Variants in ARHGEF10L observed in about 807,000 individuals in gnomAD.
The protein encoded by ARHGEF10L is Rho guanine nucleotide exchange factor 10 like, also known as rho guanine nucleotide exchange factor 10-like protein.
Under a neutral mutation model 141.2 loss-of-function variants are expected in ARHGEF10L, and 69 were observed. That is an observed-to-expected ratio of 0.49 (90% confidence interval 0.40 to 0.60). The LOEUF is 0.60. ARHGEF10L is among the 20% of genes least tolerant of loss of function. The probability of loss-of-function intolerance (pLI) is 0.00; values close to 1 mark genes in which losing one functional copy is unlikely to be tolerated. For synonymous variants in ARHGEF10L, 711 were observed against 718.5 expected (o/e 0.99, Z 0.17); for missense variants, 1,482 against 1,734.3 (o/e 0.85, Z 2.58).
At chr1:17,602,058 GTGAGGGGC>G in intron 4 of ARHGEF10L, 61 bp from the exon 5 acceptor site, 1 of 1,393,344 alleles carries the variant, frequency 7.2e-7, no homozygotes, top group Non-Finnish European at 9.6e-7. Context: ...CGCTGACCAG[GTGAGGGGC>G]TGCCAGAGGC....
upstream of ARHGEF10L, among the ~76,000 whole-genome samples, chr1:17,537,463 C>A (rs1485130309): frequency 6.6e-6 from 1 of 152,182 alleles, no homozygotes; most frequent in Admixed American, 6.6e-5. Context: ...GCCCTCAAGG[C>A]TGTATCATAG....
intron 7 of ARHGEF10L, among the ~76,000 whole-genome samples, chr1:17,608,807 CAG>C (rs1570872398): frequency 1.3e-5 from 2 of 152,138 alleles, no homozygotes; most frequent in Admixed American, 6.6e-5. Context: ...TCTTTTGAGG[CAG>C]AGTCTCACTC....
At chr1:17,523,380 C>T in the ARHGEF10L span, among the ~76,000 whole-genome samples, 12 of 152,084 alleles carry the variant, frequency 7.9e-5, no homozygotes, top group East Asian at 5.8e-4. Context: ...TGAGCCACCG[C>T]GCCCGGCCCA....
At chr1:17,648,074 C>G (rs1043874377) in intron 21 of ARHGEF10L, among the ~76,000 whole-genome samples, 1 of 152,158 alleles carries the variant, frequency 6.6e-6, no homozygotes, top group African/African-American at 2.4e-5. Flanking sequence ...GTGTGAGTGC[C>G]GCAATGGCGA....
chr1:17,657,113 A>G (rs1168739581), intron 25 of ARHGEF10L, among the ~76,000 whole-genome samples: 1 of 152,156 alleles, frequency 6.6e-6, no homozygotes, highest in Non-Finnish European at 1.5e-5. Flanking sequence ...CTGGAGGGTT[A>G]GACAACTCCA....
intron 2 of ARHGEF10L, among the ~76,000 whole-genome samples, chr1:17,584,073 C>T (rs2078817781): frequency 6.6e-6 from 1 of 151,972 alleles, no homozygotes; most frequent in Non-Finnish European, 1.5e-5. Flanking sequence ...GAGACAGAGT[C>T]TCGCTTTGTC....
chr1:17,626,625 T>C (rs1197190074), intron 14 of ARHGEF10L, among the ~76,000 whole-genome samples: 1 of 152,194 alleles, frequency 6.6e-6, no homozygotes, highest in Non-Finnish European at 1.5e-5. Context: ...AATTGATCAG[T>C]GATTGATCTA....
chr1:17,684,897 A>G (rs1404002518), intron 26 of ARHGEF10L, among the ~76,000 whole-genome samples: 1 of 152,074 alleles, frequency 6.6e-6, no homozygotes, highest in Non-Finnish European at 1.5e-5. Flanking sequence ...TGCTACTCGC[A>G]GCTCAGCCAT....
intron 1 of ARHGEF10L, among the ~76,000 whole-genome samples, chr1:17,564,383 C>T (rs1176108570): frequency 6.6e-6 from 1 of 152,156 alleles, no homozygotes; most frequent in East Asian, 1.9e-4. Context: ...TCAGGGGGGC[C>T]ACTGGTCTTG....
intron 19 of ARHGEF10L, among the ~76,000 whole-genome samples, chr1:17,638,308 T>G (rs2061134476): frequency 6.6e-6 from 1 of 152,058 alleles, no homozygotes; most frequent in African/African-American, 2.4e-5. Context: ...CTCTACCCAG[T>G]GTGGAGGGGA....
chr1:17,611,638 C>T (rs1570900479), intron 7 of ARHGEF10L, among the ~76,000 whole-genome samples: 1 of 152,140 alleles, frequency 6.6e-6, no homozygotes, highest in East Asian at 1.9e-4. Flanking sequence ...ATAATAATGG[C>T]TTCCATTTTT....
At position 17,607,748 on chromosome 1, in the gene ARHGEF10L, T is replaced by C; in HGVS notation, c.434-54T>C. On this transcript the variant is annotated intron_variant, in intron 6 of 28. Transcript: ENST00000361221. This position sits in a 1 kb window ranked among gnomAD's most constrained non-coding sequence, Gnocchi z 4.5. ...CAGAAATTGGGTCTGAGGCTGGAAG[T>C]CTGGTAGGCTTGGCCTCAGGGCCTG... The C allele has an allele frequency of 6.9e-7, 1 of 1,439,030 alleles. No individual in the cohort carries two copies. The highest frequency in any genetic ancestry group is 9.1e-7 in the Non-Finnish European group (1 of 1,096,368). The allele number at this position is 1,439,030 out of a possible 1,614,324, so 89.1% of individuals were successfully genotyped here.
intron 1 of ARHGEF10L, among the ~76,000 whole-genome samples, chr1:17,553,072 G>C (rs936555790): frequency 6.6e-6 from 1 of 152,194 alleles, no homozygotes; most frequent in African/African-American, 2.4e-5. Flanking sequence ...TCAGCCCCTG[G>C]CTCATCATCT....
At position 17,644,832 on chromosome 1, in the gene ARHGEF10L, T is replaced by C. The variant is rs2061501591; in HGVS notation, c.2273-3722T>C. On this transcript the variant is annotated intron_variant, in intron 21 of 28. Transcript: ENST00000361221. The surrounding 1 kb of genome is among the most constrained non-coding windows in gnomAD (Gnocchi z 4.5). ...AGGACAGTGACCACCATGGCTGCTATTTCCGGAGTGCCTGGTGTCTGCTGG... is the reference window on the plus strand; with the variant it reads ...AGGACAGTGACCACCATGGCTGCTACTTCCGGAGTGCCTGGTGTCTGCTGG... 6.6e-6 allele frequency among the ~76,000 whole-genome samples: 1 copy of C among 152,150 alleles called. No individual in the cohort carries two copies. Among genetic ancestry groups the C allele is most frequent in the African/African-American group, 2.4e-5 (1 of 41,424 alleles).
At chr1:17,556,396 G>A (rs552497185) in intron 1 of ARHGEF10L, among the ~76,000 whole-genome samples, 1 of 152,230 alleles carries the variant, frequency 6.6e-6, no homozygotes, top group South Asian at 2.1e-4. Context: ...GTCCTCTCTG[G>A]GCCTCAGTTT....
chr1:17,540,152 G>T (rs1023646840), intron 1 of ARHGEF10L, among the ~76,000 whole-genome samples: 1 of 152,038 alleles, frequency 6.6e-6, no homozygotes, highest in Non-Finnish European at 1.5e-5. Context: ...CTCTGTGTGG[G>T]TCTCTCCTTG....
chr1:17,677,360 A>C (rs149282315), intron 26 of ARHGEF10L, among the ~76,000 whole-genome samples: 5 of 152,078 alleles, frequency 3.3e-5, no homozygotes, highest in Admixed American at 6.5e-5. Flanking sequence ...TCTCTCTTTC[A>C]GCACTCACTC....
Position 17,634,917 on chromosome 1 carries a change from G to C in ARHGEF10L, c.1828G>C (p.Val610Leu). ...GAACACGGCGCTGCCCCAGGTGCAG[G>C]TGGTGGAGGTGGGCCAGGACGGTGG... ...KWNTALPQVQVVEVGQDGGTY... is the reference protein window; with the variant it reads ...KWNTALPQVQLVEVGQDGGTY... The change falls in exon 18 of 29, where the codon GTG (valine) becomes CTG (leucine). Residue 610 changes from valine to leucine, a missense_variant. Coordinates refer to ENST00000361221, the MANE Select transcript of ARHGEF10L (RefSeq NM_018125.4). The C allele has an allele frequency of 6.2e-7, 1 of 1,614,138 alleles. No homozygotes were observed. The highest frequency in any genetic ancestry group is 8.5e-7 in the Non-Finnish European group (1 of 1,179,996).
At chr1:17,622,868 G>A (rs2060179795) in intron 11 of ARHGEF10L, 128 bp from the exon 12 acceptor site, 1 of 946,178 alleles carries the variant, frequency 1.1e-6, no homozygotes, top group Admixed American at 2.6e-5. Flanking sequence ...CGCATGAGGA[G>A]TGAGGGATGA....
Sources: allele counts gnomAD v4.1 joint callset (sites outside exome capture counted in the v4.1 genomes callset), GRCh38; gene constraint gnomAD v4.1.1; non-coding constraint Gnocchi (gnomAD v3.1); transcripts MANE v1.5; gene names NCBI Gene and HGNC (gene_info 2026-07-23, HGNC 2026-07-21).